PRTG: variants seen among roughly 807,000 people sequenced by gnomAD.
The protein encoded by PRTG is immunoglobulin superfamily, DCC subclass, member 5.
Under a neutral mutation model 122.5 loss-of-function variants are expected in PRTG, and 67 were observed. The observed-to-expected ratio is 0.55, with a 90% CI of 0.45 to 0.67. PRTG has a LOEUF of 0.67. Ranked by LOEUF, PRTG falls within the 30% of genes least tolerant of loss-of-function variation. The pLI is 0.00. For missense variants in PRTG, 1,435 were observed against 1,415.4 expected (o/e 1.01, Z -0.22); for synonymous variants, 554 against 501.1 (o/e 1.11, Z -1.41).
intron 11 of PRTG, among the ~76,000 whole-genome samples, chr15:55,651,482 T>C (rs1009413076): frequency 6.6e-6 from 1 of 152,200 alleles, no homozygotes; most frequent in Admixed American, 6.5e-5. Context: ...GAAGCTTCTA[T>C]ACCATACCTT....
intron 2 of PRTG, among the ~76,000 whole-genome samples, chr15:55,699,312 C>A (rs182335391): frequency 8.6e-4 from 131 of 152,196 alleles, no homozygotes; most frequent in Non-Finnish European, 1.5e-3. Context: ...CACCTTCTGG[C>A]ACCCCTTCCA....
intron 15 of PRTG, among the ~76,000 whole-genome samples, chr15:55,629,367 A>ATGTG (rs2059212955): frequency 7.7e-6 from 1 of 130,088 alleles, no homozygotes; most frequent in African/African-American, 2.8e-5. Context: ...TTGTATATAT[A>ATGTG]TATATATATG....
chr15:55,691,069 T>C (rs1455689075), intron 2 of PRTG, among the ~76,000 whole-genome samples: 2 of 151,688 alleles, frequency 1.3e-5, no homozygotes, highest in Non-Finnish European at 2.9e-5. Flanking sequence ...GCACTTCAGG[T>C]GGATCACCTG....
chr15:55,634,150 CTCTG>C (rs1372537906), intron 15 of PRTG, among the ~76,000 whole-genome samples: 1 of 146,044 alleles, frequency 6.8e-6, no homozygotes, highest in Non-Finnish European at 1.5e-5. Flanking sequence ...TCACCACAAC[CTCTG>C]TCTCCTGGGT....
intron 11 of PRTG, among the ~76,000 whole-genome samples, chr15:55,645,051 AT>A (rs905927867): frequency 6.6e-6 from 1 of 152,120 alleles, no homozygotes; most frequent in African/African-American, 2.4e-5. Context: ...TCATAATATT[AT>A]TTTGGTTTAT....
chr15:55,718,639 A>C (rs1316914862), intron 2 of PRTG, among the ~76,000 whole-genome samples: 4 of 151,914 alleles, frequency 2.6e-5, no homozygotes, highest in East Asian at 1.9e-4. Context: ...AAAAAAAAAA[A>C]CACTTTGTAA....
intron 2 of PRTG, among the ~76,000 whole-genome samples, chr15:55,691,811 A>C (rs1462834298): frequency 6.6e-6 from 1 of 152,136 alleles, no homozygotes; most frequent in Non-Finnish European, 1.5e-5. Context: ...TACTTCTAGG[A>C]ACCTATTAAA....
Position 55,673,621 on chromosome 15 carries a change from G to A in PRTG, c.1602C>T (p.Leu534=), listed in dbSNP as rs1354935224. The change falls in exon 10 of 20, where the codon CTC becomes CTT. Residue 534 remains leucine (L), a synonymous_variant. Coordinates refer to ENST00000389286, the MANE Select transcript of PRTG (RefSeq NM_173814.6). The part of the protein sequence containing the change: ...SLTSRSPTDI[L]ISWLPIPAKY... ...TGGCTGGGATTGGCAGCCAGGAGAT[G>A]AGAATATCAGTGGGACTTCGACTTG... The A allele has an allele frequency of 1.9e-6, 3 of 1,614,054 alleles. No homozygotes were observed. Among genetic ancestry groups the A allele is most frequent in the African/African-American group, 2.7e-5 (2 of 74,950 alleles).
Position 55,679,313 on chromosome 15 carries a change from G to T in PRTG, c.1106C>A (p.Ser369Ter). The T allele has an allele frequency of 6.2e-7, 1 of 1,612,040 alleles. No individual in the cohort carries two copies. Among genetic ancestry groups the T allele is most frequent in the East Asian group, 2.2e-5 (1 of 44,854 alleles). The change falls in exon 7 of 20, where the codon TCG becomes TAG. Residue 369 changes from serine (S) to a stop codon, truncating the protein, a stop_gained. Transcript: ENST00000389286. LOFTEE classifies it high-confidence loss of function. ...SWLKNGRKIHSNGRIKMYNSK... is the reference protein window; with the variant it reads ...SWLKNGRKIH ...GTTGTACATTTTAATTCTACCATTCGAATGTATCTTCCTTCCATTTTTCAA... is the reference window on the plus strand; with the variant it reads ...GTTGTACATTTTAATTCTACCATTCTAATGTATCTTCCTTCCATTTTTCAA...
At chr15:55,650,298 G>T (rs1270894495) in intron 11 of PRTG, among the ~76,000 whole-genome samples, 1 of 152,200 alleles carries the variant, frequency 6.6e-6, no homozygotes, top group Non-Finnish European at 1.5e-5. Flanking sequence ...CTGCAAAAGA[G>T]ATGTGTTAAA....
intron 11 of PRTG, among the ~76,000 whole-genome samples, chr15:55,650,216 T>C (rs2059346266): frequency 6.6e-6 from 1 of 152,186 alleles, no homozygotes; most frequent in Non-Finnish European, 1.5e-5. Flanking sequence ...CAAATTTCTT[T>C]AGATAACAAC....
At chr15:55,720,570 T>C (rs2030777627) in intron 2 of PRTG, among the ~76,000 whole-genome samples, 1 of 152,202 alleles carries the variant, frequency 6.6e-6, no homozygotes, top group Non-Finnish European at 1.5e-5. Flanking sequence ...GTCGTCCATC[T>C]ACCTTCCTGA....
intron 2 of PRTG, among the ~76,000 whole-genome samples, chr15:55,691,596 G>A (rs1179432048): frequency 1.3e-5 from 2 of 150,936 alleles, no homozygotes; most frequent in Non-Finnish European, 2.9e-5. Context: ...CAGAAGAATC[G>A]CCTGAACCCG....
At chr15:55,635,294 A>G (rs918418936) in intron 15 of PRTG, among the ~76,000 whole-genome samples, 2 of 151,986 alleles carry the variant, frequency 1.3e-5, no homozygotes, top group Non-Finnish European at 2.9e-5. Flanking sequence ...GTTTCACCAT[A>G]TTGGTCAGGC....
At position 55,680,478 on chromosome 15, in the gene PRTG, T is replaced by C. The variant is rs749552537; in HGVS notation, c.814+13A>G. 3.2e-6 allele frequency: 5 copies of C among 1,557,170 alleles called. No homozygotes were observed. The South Asian group carries it at 6.4e-5, about 20-fold the overall frequency. On this transcript the variant is annotated intron_variant, in intron 5 of 19. Transcript: ENST00000389286. ...AGGAAAAGACTTTTTTTTTTTTTCC[T>C]GAGAAGACTTACCAAGGCGGCTCCA...
At chr15:55,676,909 A>C (rs975070017) in intron 8 of PRTG, among the ~76,000 whole-genome samples, 3 of 152,174 alleles carry the variant, frequency 2.0e-5, no homozygotes, top group Non-Finnish European at 4.4e-5. Context: ...TCAAAACCCT[A>C]CTTCAAAGTA....
chr15:55,692,959 G>A (rs1370509232), intron 2 of PRTG, among the ~76,000 whole-genome samples: 1 of 145,110 alleles, frequency 6.9e-6, no homozygotes, highest in Non-Finnish European at 1.5e-5. Flanking sequence ...TCCTGCTTCA[G>A]CCTCCCCAGT....
At chr15:55,717,810 G>C (rs1369468192) in intron 2 of PRTG, among the ~76,000 whole-genome samples, 1 of 152,090 alleles carries the variant, frequency 6.6e-6, no homozygotes, top group African/African-American at 2.4e-5. Context: ...AACACACTTT[G>C]TAGGCTGACT....
intron 8 of PRTG, among the ~76,000 whole-genome samples, chr15:55,676,625 G>C (rs1457762067): frequency 6.6e-6 from 1 of 152,070 alleles, no homozygotes; most frequent in East Asian, 1.9e-4. Flanking sequence ...TGTTAATTAG[G>C]AGCTGCATAG....
Sources: allele counts gnomAD v4.1 joint callset (sites outside exome capture counted in the v4.1 genomes callset), GRCh38; gene constraint gnomAD v4.1.1; transcripts MANE v1.5; gene names NCBI Gene and HGNC (gene_info 2026-07-23, HGNC 2026-07-21).